CSMD1: variants seen among roughly 807,000 people sequenced by gnomAD.
The protein encoded by CSMD1 is CUB and Sushi multiple domains 1.
Under a neutral mutation model 417.5 loss-of-function variants are expected in CSMD1, and 213 were observed. The ratio of observed to expected loss-of-function variants is 0.51; its 90% CI spans 0.46 to 0.57. The LOEUF is 0.57. CSMD1 is among the 20% of genes least tolerant of loss of function. The pLI is 0.00. For synonymous variants in CSMD1, 2,862 were observed against 1,736.8 expected, an observed-to-expected ratio of 1.65 and a Z score of -16.11; for missense variants, 6,923 against 4,529.7, an observed-to-expected ratio of 1.53 and a Z score of -15.17.
At chr8:4,240,280 T>C (rs1802314057) in intron 3 of CSMD1, among the ~76,000 whole-genome samples, 1 of 152,236 alleles carries the variant, frequency 6.6e-6, no homozygotes, top group Admixed American at 6.5e-5. Context: ...GGGAAACCTC[T>C]GATTGCTTTG....
chr8:4,785,730 C>G (rs917758244), intron 1 of CSMD1, among the ~76,000 whole-genome samples: 1 of 152,164 alleles, frequency 6.6e-6, no homozygotes, highest in Admixed American at 6.5e-5. Context: ...TAGAGCACAT[C>G]TTACTCTCAG....
At chr8:4,279,691 T>G (rs1023971601) in intron 3 of CSMD1, among the ~76,000 whole-genome samples, 2 of 152,220 alleles carry the variant, frequency 1.3e-5, no homozygotes, top group Admixed American at 1.3e-4. Flanking sequence ...CAACTTTGAA[T>G]GTGCATTTTC....
At position 3,313,335 on chromosome 8, in the gene CSMD1, A is replaced by G. The variant is rs772118463; in HGVS notation, c.3632-4832T>C. 2.0e-5 allele frequency among the ~76,000 whole-genome samples: 3 copies of G among 152,176 alleles called. No homozygotes were observed. In the East Asian group the frequency reaches 5.8e-4, roughly 29 times the overall value. The stretch of plus-strand genomic sequence containing the variant: ...ACCACCATCAGAGTGAACAGGCAAC[A>G]TACAGAAAGGGAGAAAATTTTTGCA... On this transcript the variant is annotated intron_variant, in intron 23 of 69. Transcript: ENST00000635120.
At chr8:3,657,500 G>C (rs1410374129) in intron 7 of CSMD1, among the ~76,000 whole-genome samples, 3 of 152,142 alleles carry the variant, frequency 2.0e-5, no homozygotes. Context: ...ATACACGATG[G>C]AATACTATGC....
intron 1 of CSMD1, among the ~76,000 whole-genome samples, chr8:4,850,367 T>A (rs906715816): frequency 6.8e-6 from 1 of 147,090 alleles, no homozygotes; most frequent in African/African-American, 2.5e-5. Flanking sequence ...TTTATTTTGA[T>A]GAAATCCAAT....
intron 3 of CSMD1, among the ~76,000 whole-genome samples, chr8:4,336,522 G>A (rs944671009): frequency 3.9e-5 from 6 of 152,256 alleles, no homozygotes; most frequent in South Asian, 2.1e-4. Flanking sequence ...GGCCAATAAC[G>A]TGTTCGATGA....
chr8:4,737,574 C>G (rs1810327847), intron 1 of CSMD1, among the ~76,000 whole-genome samples: 2 of 152,112 alleles, frequency 1.3e-5, no homozygotes, highest in African/African-American at 4.8e-5. Flanking sequence ...TTATTGCCAG[C>G]AAAGACTCAC....
chr8:3,181,279 C>T, intron 36 of CSMD1, 65 bp from the exon 37 acceptor site: 1 of 1,087,932 alleles, frequency 9.2e-7, no homozygotes, highest in South Asian at 1.4e-5. Context: ...AAATATAAAA[C>T]ATATGAGAAT....
At chr8:3,693,025 TAAG>T (rs925138648) in intron 7 of CSMD1, among the ~76,000 whole-genome samples, 90 of 152,318 alleles carry the variant, frequency 5.9e-4, no homozygotes, top group Middle Eastern at 3.4e-3. Flanking sequence ...GGTAAACTCT[TAAG>T]AAGGTTTACA....
intron 1 of CSMD1, among the ~76,000 whole-genome samples, chr8:4,762,615 G>A (rs1267977525): frequency 1.3e-5 from 2 of 151,998 alleles, no homozygotes; most frequent in Non-Finnish European, 2.9e-5. Flanking sequence ...TGAGTGATGG[G>A]CCCCGCATTT....
intron 8 of CSMD1, among the ~76,000 whole-genome samples, chr8:3,608,605 T>C (rs1186701019): frequency 6.6e-6 from 1 of 151,584 alleles, no homozygotes; most frequent in East Asian, 2.0e-4. Context: ...CTATTAAAAA[T>C]GCAAAAAAAT....
chr8:4,951,009 A>T (rs1466496733), intron 1 of CSMD1, among the ~76,000 whole-genome samples: 1 of 152,192 alleles, frequency 6.6e-6, no homozygotes, highest in Admixed American at 6.5e-5. Context: ...AAAAAAATTA[A>T]TAGAGAAGGG....
intron 2 of CSMD1, among the ~76,000 whole-genome samples, chr8:4,511,039 C>G (rs1279335309): frequency 6.6e-6 from 1 of 151,928 alleles, no homozygotes; most frequent in Non-Finnish European, 1.5e-5. Flanking sequence ...TATTTTTCTC[C>G]CCTCTCTTGA....
At chr8:4,086,608 T>C (rs932157492) in intron 3 of CSMD1, among the ~76,000 whole-genome samples, 2 of 152,202 alleles carry the variant, frequency 1.3e-5, no homozygotes, top group Non-Finnish European at 2.9e-5. Flanking sequence ...TTGAATAAAG[T>C]ACAATGCAGA....
At chr8:4,285,710 A>C (rs1433526057) in intron 3 of CSMD1, among the ~76,000 whole-genome samples, 1 of 152,186 alleles carries the variant, frequency 6.6e-6, no homozygotes, top group African/African-American at 2.4e-5. Flanking sequence ...CTAGTAAAAC[A>C]GTCAGGGCCA....
At chr8:3,536,256 A>C (rs2117537957) in intron 10 of CSMD1, among the ~76,000 whole-genome samples, 1 of 152,352 alleles carries the variant, frequency 6.6e-6, no homozygotes, top group Middle Eastern at 3.4e-3. Context: ...GAGCTGAGTT[A>C]ATAAGTTTGT....
intron 7 of CSMD1, among the ~76,000 whole-genome samples, chr8:3,663,401 T>G (rs2624088): frequency 0.91 from 138,139 of 152,040 alleles, 62,839 homozygotes; most frequent in Admixed American, 0.94. Context: ...CTGACTGCTT[T>G]TAAGACATGT....
intron 2 of CSMD1, among the ~76,000 whole-genome samples, chr8:4,531,089 A>C (rs1796795599): frequency 6.6e-6 from 1 of 152,198 alleles, no homozygotes; most frequent in Non-Finnish European, 1.5e-5. Flanking sequence ...AAAACTGATT[A>C]ACCTGGCTGA....
At chr8:3,004,891 C>T (rs1299480175) in intron 52 of CSMD1, among the ~76,000 whole-genome samples, 1 of 152,154 alleles carries the variant, frequency 6.6e-6, no homozygotes, top group East Asian at 1.9e-4. Flanking sequence ...GTACTCCCAG[C>T]ACTTTGGGAT....
Sources: allele counts gnomAD v4.1 joint callset (sites outside exome capture counted in the v4.1 genomes callset), GRCh38; gene constraint gnomAD v4.1.1; transcripts MANE v1.5; gene names NCBI Gene and HGNC (gene_info 2026-07-23, HGNC 2026-07-21).